The following RAB7A variants were observed in gnomAD, a reference collection of about 807,000 sequenced individuals.
The protein encoded by RAB7A is ras-related protein Rab-7a.
RAB7A carries 2 observed loss-of-function variants against 24.5 expected under a neutral mutation model. The observed-to-expected ratio is 0.08, with a 90% CI of 0.03 to 0.26. RAB7A has a LOEUF of 0.26. Ranked by LOEUF, RAB7A falls within the 10% of genes least tolerant of loss-of-function variation. The probability of loss-of-function intolerance (pLI) is 1.00; values close to 1 mark genes in which losing one functional copy is unlikely to be tolerated. For missense variants in RAB7A, 118 were observed against 255.7 expected, an observed-to-expected ratio of 0.46 and a Z score of 3.67; for synonymous variants, 100 against 95.9, an observed-to-expected ratio of 1.04 and a Z score of -0.25.
chr3:128,803,970 C>G (rs1933750074), intron 3 of RAB7A, among the ~76,000 whole-genome samples: 1 of 152,154 alleles, frequency 6.6e-6, no homozygotes. Context: ...TGGCTGGTTT[C>G]CTGTTTTGAT....
chr3:128,813,590 C>A lies in RAB7A; in HGVS notation c.*168C>A. 1.7e-6 allele frequency: 1 copy of A among 604,526 alleles called. No individual in the cohort carries two copies. The highest frequency in any genetic ancestry group is 3.1e-6 in the Non-Finnish European group (1 of 320,364). The allele number at this position is 604,526 out of a possible 1,614,324, so 37.4% of individuals were successfully genotyped here. A position where few individuals can be genotyped will look rare whatever the true frequency, so the allele number is the denominator to read the frequency against. ...AGTTACACCCCACATATCTCTCACACACACACACACACGCACACACACACA... is the reference window on the plus strand; with the variant it reads ...AGTTACACCCCACATATCTCTCACAAACACACACACACGCACACACACACA... On this transcript the variant is annotated 3_prime_UTR_variant, in exon 6 of 6. Transcript: ENST00000265062.
chr3:128,803,804 TGAA>T (rs1271491622), intron 3 of RAB7A, among the ~76,000 whole-genome samples: 1 of 152,016 alleles, frequency 6.6e-6, no homozygotes, highest in African/African-American at 2.4e-5. Flanking sequence ...TTACTTGTGG[TGAA>T]GAAGGAAGAA....
In RAB7A at chr3:128,734,984, G is replaced by A. The variant is rs78571787; in HGVS notation, c.-9+8625G>A. ...TTCTAGCTTTTCAGAGTAAGTTACC[G>A]TTTATAGCATGTAAGTTATGCTTCT... On this transcript the variant is annotated intron_variant, in intron 1 of 5. Transcript: ENST00000265062. 8.7e-3 allele frequency among the ~76,000 whole-genome samples: 1,323 copies of A among 152,252 alleles called. 23 individuals carry two copies. The highest frequency in any genetic ancestry group is 0.029 in the African/African-American group (1,219 of 41,544).
At chr3:128,776,843 C>T (rs953724826) in intron 1 of RAB7A, among the ~76,000 whole-genome samples, 4 of 151,984 alleles carry the variant, frequency 2.6e-5, no homozygotes, top group African/African-American at 9.7e-5. Context: ...TGCTCCACAT[C>T]CTAACACCAA....
intron 5 of RAB7A, among the ~76,000 whole-genome samples, chr3:128,809,966 TG>T (rs1933891799): frequency 1.7e-5 from 2 of 115,102 alleles, no homozygotes; most frequent in African/African-American, 3.3e-5. Context: ...TTTTTTTTTT[TG>T]AGACGGAGTC....
intron 1 of RAB7A, among the ~76,000 whole-genome samples, chr3:128,762,947 A>G (rs1172153946): frequency 6.6e-6 from 1 of 152,136 alleles, no homozygotes; most frequent in Non-Finnish European, 1.5e-5. Context: ...ACTACAAAGT[A>G]AATTAGACCT....
intron 3 of RAB7A, among the ~76,000 whole-genome samples, chr3:128,800,531 T>G (rs768435481): frequency 3.3e-5 from 5 of 152,160 alleles, no homozygotes; most frequent in Non-Finnish European, 7.3e-5. Flanking sequence ...ACTGTGGGCT[T>G]CTCAAGAAGC....
At chr3:128,783,778 T>G (rs114298697) in intron 1 of RAB7A, among the ~76,000 whole-genome samples, 2,242 of 152,344 alleles carry the variant, frequency 0.015, 46 homozygotes, top group African/African-American at 0.05. Context: ...GCATGCTTTC[T>G]GGGAACTTCT....
intron 1 of RAB7A, among the ~76,000 whole-genome samples, chr3:128,728,363 G>C (rs2070400662): frequency 3.9e-5 from 6 of 152,228 alleles, no homozygotes; most frequent in Admixed American, 3.9e-4. Flanking sequence ...TCTTCAGAGA[G>C]TGTAGAAGAT....
intron 5 of RAB7A, among the ~76,000 whole-genome samples, chr3:128,809,962 T>TTTTTTTTTTTTTTTTTTTTTTTTTG (rs1933891271): frequency 8.3e-6 from 1 of 120,724 alleles, no homozygotes; most frequent in Non-Finnish European, 1.8e-5. Flanking sequence ...TTTTTTTTTT[T>TTTTTTTTTTTTTTTTTTTTTTTTTG]TTTTGAGACG....
At chr3:128,788,805 G>C (rs988789916) in intron 1 of RAB7A, among the ~76,000 whole-genome samples, 1 of 151,934 alleles carries the variant, frequency 6.6e-6, no homozygotes, top group African/African-American at 2.4e-5. Flanking sequence ...TCTGACCACC[G>C]ACCTCTGCCC....
intron 2 of RAB7A, among the ~76,000 whole-genome samples, chr3:128,795,812 C>T (rs755578592): frequency 6.2e-5 from 8 of 129,104 alleles, no homozygotes; most frequent in Non-Finnish European, 9.4e-5. Context: ...AGTGCAGTGG[C>T]GCGATCTCGG....
At chr3:128,756,135 A>G (rs2070727446) in intron 1 of RAB7A, among the ~76,000 whole-genome samples, 1 of 152,240 alleles carries the variant, frequency 6.6e-6, no homozygotes, top group Non-Finnish European at 1.5e-5. Flanking sequence ...CAGAAGTTCG[A>G]TACCAGCCTG....
intron 1 of RAB7A, among the ~76,000 whole-genome samples, chr3:128,772,555 C>T (rs1260208708): frequency 6.6e-6 from 1 of 152,108 alleles, no homozygotes; most frequent in Non-Finnish European, 1.5e-5. Context: ...GGTGATATGA[C>T]ACTTATTTTA....
At chr3:128,811,914 A>G (rs1933935890) in intron 5 of RAB7A, among the ~76,000 whole-genome samples, 1 of 152,106 alleles carries the variant, frequency 6.6e-6, no homozygotes, top group South Asian at 2.1e-4. Context: ...ATAAATAAAT[A>G]ATGTTTAAAA....
chr3:128,769,018 A>T (rs1441533745), intron 1 of RAB7A, among the ~76,000 whole-genome samples: 2 of 106,456 alleles, frequency 1.9e-5, no homozygotes, highest in African/African-American at 7.8e-5. Flanking sequence ...TCTCACTCTC[A>T]TGGAGCTGGG....
intron 1 of RAB7A, among the ~76,000 whole-genome samples, chr3:128,780,475 A>G (rs147937626): frequency 3.9e-4 from 60 of 152,282 alleles, no homozygotes; most frequent in African/African-American, 1.4e-3. Context: ...ACAGGACACA[A>G]TCTTGTACTT....
intron 1 of RAB7A, among the ~76,000 whole-genome samples, chr3:128,783,565 T>C (rs552145268): frequency 3.2e-4 from 48 of 152,076 alleles, no homozygotes; most frequent in Middle Eastern, 6.8e-3. Context: ...AGACTAGATA[T>C]CTCCCTCACC....
chr3:128,779,806 C>T (rs565421376), intron 1 of RAB7A, among the ~76,000 whole-genome samples: 73 of 152,246 alleles, frequency 4.8e-4, no homozygotes, highest in African/African-American at 1.7e-3. Flanking sequence ...AGGCTGGTCT[C>T]GAAACTCCTG....
Sources: gnomAD v4.1 joint callset for allele counts (sites outside exome capture counted in the v4.1 genomes callset) on GRCh38, gnomAD v4.1.1 for gene constraint, MANE v1.5 for transcripts, NCBI Gene and HGNC (gene_info 2026-07-23, HGNC 2026-07-21) for gene names.